AGBL1: variants seen among roughly 807,000 people sequenced by gnomAD.
AGBL1 encodes the protein AGBL carboxypeptidase 1.
AGBL1 carries 130 observed loss-of-function variants against 118.9 expected under a neutral mutation model. The observed-to-expected ratio is 1.09, with a 90% CI of 0.95 to 1.26. AGBL1 has a LOEUF of 1.26. Among genes scored for constraint, AGBL1 ranks in the 50% most tolerant of loss-of-function variants. The pLI, the probability that AGBL1 is intolerant of heterozygous loss-of-function variation, is 0.00. For missense variants in AGBL1, 1,584 were observed against 1,298.1 expected, an observed-to-expected ratio of 1.22 and a Z score of -3.38; for synonymous variants, 555 against 478.9, an observed-to-expected ratio of 1.16 and a Z score of -2.08.
Position 86,279,786 on chromosome 15 carries a change from A to G in AGBL1, c.2220+3A>G. The G allele has an allele frequency of 3.7e-6, 6 of 1,613,466 alleles. No homozygotes were observed. The highest frequency in any genetic ancestry group is 5.1e-6 in the Non-Finnish European group (6 of 1,179,574). ...CCTATACCTACACAGCCCTCATGGT[A>G]ACTTCCTCTTTATAGCATCACTCCA... On this transcript the variant is annotated splice_donor_region_variant and intron_variant, in intron 16 of 22. Transcript: ENST00000614907.
chr15:86,804,269 C>T (rs962787617), intron 22 of AGBL1, among the ~76,000 whole-genome samples: 1 of 152,104 alleles, frequency 6.6e-6, no homozygotes, highest in Non-Finnish European at 1.5e-5. Flanking sequence ...CTCTGACAAG[C>T]TTTTGACATA....
At chr15:86,341,178 C>T (rs143765899) in intron 17 of AGBL1, among the ~76,000 whole-genome samples, 28 of 152,322 alleles carry the variant, frequency 1.8e-4, no homozygotes, top group African/African-American at 5.1e-4. Context: ...TCATTGGGAC[C>T]TGTCCAGAGT....
At chr15:86,135,326 A>G (rs962030163) in intron 1 of AGBL1, among the ~76,000 whole-genome samples, 2 of 152,226 alleles carry the variant, frequency 1.3e-5, no homozygotes, top group Non-Finnish European at 2.9e-5. Context: ...TGCTTCTTGT[A>G]CAGCCTGCAG....
At chr15:86,866,041 C>G (rs77521109) in intron 22 of AGBL1, among the ~76,000 whole-genome samples, 1 of 152,174 alleles carries the variant, frequency 6.6e-6, no homozygotes, top group African/African-American at 2.4e-5. Context: ...TCCCTTCCCC[C>G]CAAGTTGCAC....
At chr15:86,646,796 C>G (rs552051768) in intron 21 of AGBL1, among the ~76,000 whole-genome samples, 2 of 152,176 alleles carry the variant, frequency 1.3e-5, no homozygotes, top group Non-Finnish European at 2.9e-5. Context: ...TGGAACGATT[C>G]TGCCTTCACA....
At chr15:86,825,887 G>GATAGATA (rs2079004706) in intron 22 of AGBL1, among the ~76,000 whole-genome samples, 253 of 144,234 alleles carry the variant, frequency 1.8e-3, no homozygotes, top group East Asian at 8.7e-3. Flanking sequence ...ATAGATGGAT[G>GATAGATA]GATAGATAGA....
intron 22 of AGBL1, among the ~76,000 whole-genome samples, chr15:86,825,849 T>C (rs187900251): frequency 2.0e-5 from 3 of 151,384 alleles, no homozygotes; most frequent in Non-Finnish European, 4.4e-5. Flanking sequence ...GGATCACTCA[T>C]TCATTCCTGG....
intron 22 of AGBL1, among the ~76,000 whole-genome samples, chr15:86,827,921 T>C (rs1282463142): frequency 6.8e-6 from 1 of 147,390 alleles, no homozygotes; most frequent in Non-Finnish European, 1.5e-5. Flanking sequence ...ACATAGTCTC[T>C]GGCACTTGAT....
At chr15:87,028,997 C>A in exon 25 of AGBL1, 1 of 686,524 alleles carries the variant, frequency 1.5e-6, no homozygotes, top group South Asian at 2.2e-5. Flanking sequence ...AGTATATCTA[C>A]CTCCATAAGA....
intron 1 of AGBL1, among the ~76,000 whole-genome samples, chr15:86,082,122 T>C (rs1895328292): frequency 6.6e-6 from 1 of 152,216 alleles, no homozygotes; most frequent in African/African-American, 2.4e-5. Context: ...CCCTAAGCCC[T>C]GTTTCTGTCT....
At chr15:86,089,507 C>T (rs1217449731) in intron 1 of AGBL1, among the ~76,000 whole-genome samples, 3 of 152,170 alleles carry the variant, frequency 2.0e-5, no homozygotes, top group Non-Finnish European at 4.4e-5. Context: ...ATAGCTTTAG[C>T]TTCAGGTTTC....
At chr15:86,735,655 G>GATATATATATAT (rs61663652) in intron 22 of AGBL1, among the ~76,000 whole-genome samples, 5 of 146,744 alleles carry the variant, frequency 3.4e-5, no homozygotes, top group South Asian at 2.1e-4. Flanking sequence ...TACAAAGAGA[G>GATATATATATAT]ATATATATAT....
At chr15:86,171,086 A>G (rs1187292509) in intron 5 of AGBL1, among the ~76,000 whole-genome samples, 1 of 152,186 alleles carries the variant, frequency 6.6e-6, no homozygotes, top group Non-Finnish European at 1.5e-5. Context: ...GACTTTTCGG[A>G]CATACAAAAA....
At position 86,093,627 on chromosome 15, in the gene AGBL1, G is replaced by T. The variant is rs1283810911; in HGVS notation, c.51+13604G>T. Among the ~76,000 whole-genome samples, 5 of 152,106 alleles carry T rather than the reference G, an allele frequency of 3.3e-5. No individual in the cohort carries two copies. The East Asian group carries it at 9.6e-4, about 29-fold the overall frequency. On this transcript the variant is annotated intron_variant, in intron 1 of 22. Coordinates refer to ENST00000614907, the MANE Select transcript of AGBL1 (RefSeq NM_001386094.1). The stretch of plus-strand genomic sequence containing the variant: ...GAAGTTCTTGAACTAAAAAATAAAA[G>T]AACCAAAACGAACAGCTCAATAGAT...
intron 18 of AGBL1, among the ~76,000 whole-genome samples, chr15:86,420,673 A>G (rs961603251): frequency 1.3e-5 from 2 of 152,222 alleles, no homozygotes; most frequent in South Asian, 4.1e-4. Context: ...TCTGAGCTAA[A>G]GGAGCATATT....
intron 1 of AGBL1, chr15:86,105,119 A>G (rs1896975903): frequency 6.6e-6 from 1 of 152,186 alleles, no homozygotes; most frequent in East Asian, 1.9e-4. Flanking sequence ...GAAGTGTAAT[A>G]ATATACTTGC....
At chr15:86,489,462 G>A (rs1355993585) in intron 18 of AGBL1, among the ~76,000 whole-genome samples, 1 of 152,086 alleles carries the variant, frequency 6.6e-6, no homozygotes, top group African/African-American at 2.4e-5. Flanking sequence ...TTCTGTCAAT[G>A]AGCCAGAAAA....
intron 22 of AGBL1, among the ~76,000 whole-genome samples, chr15:86,757,082 C>T (rs2077952915): frequency 6.6e-6 from 1 of 151,732 alleles, no homozygotes; most frequent in Non-Finnish European, 1.5e-5. Context: ...CAACTAAAAA[C>T]AGTATACGAT....
chr15:86,519,848 A>G (rs1210116775), intron 18 of AGBL1, among the ~76,000 whole-genome samples: 2 of 152,134 alleles, frequency 1.3e-5, no homozygotes, highest in African/African-American at 2.4e-5. Flanking sequence ...CATTGGCCCA[A>G]TTTCTCTCCA....
Sources: gnomAD v4.1 joint callset for allele counts (sites outside exome capture counted in the v4.1 genomes callset) on GRCh38, gnomAD v4.1.1 for gene constraint, MANE v1.5 for transcripts, NCBI Gene and HGNC (gene_info 2026-07-23, HGNC 2026-07-21) for gene names.